TF: variants seen among roughly 807,000 people sequenced by gnomAD.
The protein encoded by TF is transferrin.
In TF, 55 loss-of-function variants were observed where a neutral mutation model predicts 82.4. That is an observed-to-expected ratio of 0.67 (90% CI 0.54 to 0.84). The LOEUF (loss-of-function observed/expected upper bound fraction) is 0.84, where lower values mean the gene tolerates loss of function less well. Ranked by LOEUF, TF falls within the 40% of genes least tolerant of loss-of-function variation. TF has a pLI of 0.00. For synonymous variants in TF, 332 were observed against 332.6 expected (o/e 1.00, Z 0.02); for missense variants, 737 against 868.4 (o/e 0.85, Z 1.90).
chr3:133,690,885 C>A, the TF span, among the ~76,000 whole-genome samples: 1 of 152,144 alleles, frequency 6.6e-6, no homozygotes, highest in Non-Finnish European at 1.5e-5. Flanking sequence ...CAAGGCCCAG[C>A]GGCCTTCTTG....
Position 133,790,928 on chromosome 3 carries a change from C to CA in TF, c.*12309dup, listed in dbSNP as rs1306476295. ...GGCCCTAGGTAAACACTGTAGCCTCCAGGGTAGATTGAGAAGGAAAAATTT... is the reference window on the plus strand; with the variant it reads ...GGCCCTAGGTAAACACTGTAGCCTCCAAGGGTAGATTGAGAAGGAAAAATTT... On this transcript the variant is annotated 3_prime_UTR_variant, in exon 17 of 17. Transcript: ENST00000402696. 3.3e-5 allele frequency: 5 copies of CA among 152,160 alleles called. No individual in the cohort carries two copies. Among genetic ancestry groups the CA allele is most frequent in the Non-Finnish European group, 7.4e-5 (5 of 68,026 alleles). 9.4% of individuals were successfully genotyped at this position (152,160 alleles called of 1,614,324 possible). A position where few individuals can be genotyped will look rare whatever the true frequency, so the allele number is the denominator to read the frequency against.
At chr3:133,696,071 A>G in the TF span, among the ~76,000 whole-genome samples, 9 of 152,202 alleles carry the variant, frequency 5.9e-5, no homozygotes, top group East Asian at 1.7e-3. Flanking sequence ...GTATAAGAAG[A>G]TATTTTGAGA....
chr3:133,744,677 A>C (rs566994847), upstream of TF, among the ~76,000 whole-genome samples: 1 of 152,174 alleles, frequency 6.6e-6, no homozygotes, highest in Non-Finnish European at 1.5e-5. Flanking sequence ...GGTGAGGCTG[A>C]TGTGTTGGGA....
At position 133,780,322 on chromosome 3, in the gene TF, G is replaced by A. The variant is rs1156381695; in HGVS notation, c.*1702G>A. The stretch of plus-strand genomic sequence containing the variant: ...CCATGGCTCCCCTGGGACGCAGTCT[G>A]TCTCATTGCAATGGATCAATAAACC... On this transcript the variant is annotated 3_prime_UTR_variant, in exon 17 of 17. Coordinates refer to ENST00000402696, the MANE Select transcript of TF (RefSeq NM_001063.4). 5 of 152,156 alleles carry A rather than the reference G, an allele frequency of 3.3e-5. No individual in the cohort carries two copies. Among genetic ancestry groups the A allele is most frequent in the Admixed American group, 1.3e-4 (2 of 15,282 alleles). The allele number at this position is 152,156 out of a possible 1,614,324, so 9.4% of individuals were successfully genotyped here.
chr3:133,768,784 A>ATTTTTTTTT (rs5852766), intron 13 of TF, among the ~76,000 whole-genome samples: 1 of 82,168 alleles, frequency 1.2e-5, no homozygotes, highest in African/African-American at 5.1e-5. Context: ...GTACCTTGCT[A>ATTTTTTTTT]TTTTTTTTTT....
chr3:133,756,727 C>A, intron 6 of TF, 104 bp from the exon 7 acceptor site: 2 of 1,452,788 alleles, frequency 1.4e-6, no homozygotes, highest in Non-Finnish European at 1.9e-6. Flanking sequence ...GTGCTCACTC[C>A]AGACCTCTCA....
the TF span, among the ~76,000 whole-genome samples, chr3:133,689,007 T>C: frequency 6.6e-6 from 1 of 152,180 alleles, no homozygotes; most frequent in Non-Finnish European, 1.5e-5. Flanking sequence ...AAAAATATTA[T>C]ATGAGAGATC....
chr3:133,737,060 T>C, the TF span, among the ~76,000 whole-genome samples: 2 of 152,078 alleles, frequency 1.3e-5, no homozygotes, highest in African/African-American at 2.4e-5. Context: ...ATTGAACACA[T>C]AATCGAAAGT....
At chr3:133,687,984 T>A in the TF span, among the ~76,000 whole-genome samples, 3 of 152,210 alleles carry the variant, frequency 2.0e-5, no homozygotes, top group Non-Finnish European at 4.4e-5. Flanking sequence ...AATTCTGTGT[T>A]TAACTTTTGG....
Position 133,778,719 on chromosome 3 carries a change from C to G in TF, c.*99C>G. 8.0e-7 allele frequency: 1 copy of G among 1,255,044 alleles called. No homozygotes were observed. The highest frequency in any genetic ancestry group is 1.8e-5 in the Admixed American group (1 of 54,702). The allele number at this position is 1,255,044 out of a possible 1,614,324, so 77.7% of individuals were successfully genotyped here. A position where few individuals can be genotyped will look rare whatever the true frequency, so the allele number is the denominator to read the frequency against. ...TGGCCCAAGTGGTTTGTGCTAACCACGTCTGTCTTCACAGCTCTGTGTTGC... is the reference window on the plus strand; with the variant it reads ...TGGCCCAAGTGGTTTGTGCTAACCAGGTCTGTCTTCACAGCTCTGTGTTGC... On this transcript the variant is annotated 3_prime_UTR_variant, in exon 17 of 17. Coordinates refer to ENST00000402696, the MANE Select transcript of TF (RefSeq NM_001063.4).
chr3:133,699,438 T>TC, the TF span: 2 of 1,226,588 alleles, frequency 1.6e-6, no homozygotes, highest in Non-Finnish European at 2.2e-6. Context: ...GGGCTTTCCC[T>TC]CCCCAGAGAA....
chr3:133,662,863 G>A, the TF span, among the ~76,000 whole-genome samples: 33 of 152,298 alleles, frequency 2.2e-4, 1 homozygote, highest in African/African-American at 6.0e-4. Context: ...ATAATGCCAT[G>A]TCCCTTGATT....
At chr3:133,697,464 C>T in the TF span, among the ~76,000 whole-genome samples, 7 of 152,300 alleles carry the variant, frequency 4.6e-5, no homozygotes, top group East Asian at 3.9e-4. Context: ...TTCTATCTCC[C>T]CCTGAAGTAT....
the TF span, among the ~76,000 whole-genome samples, chr3:133,714,745 C>T: frequency 5.9e-5 from 9 of 152,162 alleles, no homozygotes; most frequent in African/African-American, 1.9e-4. Flanking sequence ...TGTGGTGGTG[C>T]GATCTCGGCT....
chr3:133,784,587 C>T lies in TF; in HGVS notation c.*5967C>T, dbSNP rs1359672032. On this transcript the variant is annotated 3_prime_UTR_variant, in exon 17 of 17. Transcript: ENST00000402696. ...TCTGGAAGTGACAGCAGGAGCCACA[C>T]ATCCACGTTTATTAAGTGAGTTAGA... The T allele has an allele frequency of 6.6e-6, 1 of 152,042 alleles. No individual in the cohort carries two copies. Among genetic ancestry groups the T allele is most frequent in the Non-Finnish European group, 1.5e-5 (1 of 68,054 alleles). The allele number at this position is 152,042 out of a possible 1,614,324, so 9.4% of individuals were successfully genotyped here. A position where few individuals can be genotyped will look rare whatever the true frequency, so the allele number is the denominator to read the frequency against.
chr3:133,754,562 T>C lies in TF; in HGVS notation c.393T>C (p.Leu131=), dbSNP rs1426286905. The C allele has an allele frequency of 6.2e-7, 1 of 1,614,190 alleles. No individual in the cohort carries two copies. The highest frequency in any genetic ancestry group is 1.7e-5 in the Admixed American group (1 of 60,032). Residue 131 remains leucine (L), a synonymous_variant, in exon 4 of 17, where the codon CTT becomes CTC. Coordinates refer to ENST00000402696, the MANE Select transcript of TF (RefSeq NM_001063.4). ...ATAGTGGCTTCCAGATGAACCAGCT[T>C]CGAGGCAAGAAGTCCTGCCACACGG... ...KKDSGFQMNQ[L]RGKKSCHTGL...
intron 11 of TF, among the ~76,000 whole-genome samples, chr3:133,765,724 T>G (rs922279150): frequency 6.6e-6 from 1 of 152,212 alleles, no homozygotes; most frequent in African/African-American, 2.4e-5. Context: ...ACTGAAATCA[T>G]AGGTTGATGT....
At chr3:133,774,899 G>C in intron 14 of TF, 1 of 355,744 alleles carries the variant, frequency 2.8e-6, no homozygotes, top group Non-Finnish European at 5.5e-6. Context: ...GAAAAGAAGA[G>C]GCAAAGGGGC....
the TF span, chr3:133,701,994 A>C: frequency 2.0e-5 from 3 of 153,396 alleles, no homozygotes; most frequent in African/African-American, 7.2e-5. Flanking sequence ...GAGAGGGCCA[A>C]GTGTGATGAG....
Sources: allele counts gnomAD v4.1 joint callset (sites outside exome capture counted in the v4.1 genomes callset), GRCh38; gene constraint gnomAD v4.1.1; transcripts MANE v1.5; gene names NCBI Gene and HGNC (gene_info 2026-07-23, HGNC 2026-07-21).